Variants in DPP10 observed in about 807,000 individuals in gnomAD.
The protein encoded by DPP10 is dipeptidyl peptidase like 10.
In DPP10, 33 loss-of-function variants were observed where a neutral mutation model predicts 120.9. That is an observed-to-expected ratio of 0.27 (90% confidence interval 0.21 to 0.37). The LOEUF is 0.37. Ranked by LOEUF, DPP10 falls within the 10% of genes least tolerant of loss-of-function variation. DPP10 has a pLI of 1.00. For synonymous variants in DPP10, 337 were observed against 326.1 expected (o/e 1.03, Z -0.36); for missense variants, 816 against 942.8 (o/e 0.87, Z 1.76).
chr2:115,681,222 G>C (rs188437830), intron 5 of DPP10, among the ~76,000 whole-genome samples: 2 of 151,768 alleles, frequency 1.3e-5, no homozygotes, highest in African/African-American at 4.8e-5. Context: ...TATCCTAAGC[G>C]TATGCAAAAT....
intron 5 of DPP10, among the ~76,000 whole-genome samples, chr2:115,583,274 C>T (rs2082101785): frequency 6.6e-6 from 1 of 152,188 alleles, no homozygotes; most frequent in African/African-American, 2.4e-5. Flanking sequence ...CACAACAAAT[C>T]TATGTCTAAG....
At chr2:114,544,934 C>T (rs889429753) in intron 1 of DPP10, among the ~76,000 whole-genome samples, 25 of 151,960 alleles carry the variant, frequency 1.6e-4, no homozygotes, top group African/African-American at 6.0e-4. Context: ...TCACTGCAAC[C>T]TCCGCCTTCT....
At chr2:115,570,006 T>C (rs2081247666) in intron 5 of DPP10, among the ~76,000 whole-genome samples, 1 of 152,224 alleles carries the variant, frequency 6.6e-6, no homozygotes, top group African/African-American at 2.4e-5. Context: ...TTTACTGTGA[T>C]TGAAATTACC....
intron 1 of DPP10, among the ~76,000 whole-genome samples, chr2:115,197,945 G>T (rs1436337653): frequency 6.6e-6 from 1 of 152,056 alleles, no homozygotes; most frequent in East Asian, 1.9e-4. Flanking sequence ...GTGTATCTCT[G>T]GACGTGATAA....
At chr2:115,125,044 G>A (rs779568068) in intron 1 of DPP10, among the ~76,000 whole-genome samples, 42 of 152,284 alleles carry the variant, frequency 2.8e-4, no homozygotes, top group Middle Eastern at 3.4e-3. Flanking sequence ...CCAGTCATAA[G>A]TTCTTTTGTT....
chr2:114,691,533 G>T (rs555111143), intron 1 of DPP10, among the ~76,000 whole-genome samples: 2 of 152,080 alleles, frequency 1.3e-5, no homozygotes. Flanking sequence ...TTTCATTTTT[G>T]GTTGTGTCTC....
At chr2:114,442,870 C>G (rs1558764507) in intron 1 of DPP10, 32 bp downstream of exon 1, 1 of 1,611,562 alleles carries the variant, frequency 6.2e-7, no homozygotes, top group Admixed American at 1.7e-5. Flanking sequence ...TGCTTCTGCA[C>G]ATGTGTCTTC....
intron 1 of DPP10, among the ~76,000 whole-genome samples, chr2:114,773,204 T>C (rs1015285735): frequency 3.9e-5 from 6 of 152,120 alleles, no homozygotes; most frequent in Non-Finnish European, 7.4e-5. Flanking sequence ...TTGCCAGTGA[T>C]TGGTAGTGGG....
intron 1 of DPP10, among the ~76,000 whole-genome samples, chr2:114,954,731 T>G (rs938288840): frequency 3.3e-5 from 5 of 151,660 alleles, no homozygotes; most frequent in Non-Finnish European, 5.9e-5. Flanking sequence ...GAAAAAAATA[T>G]AGAGAGAGAA....
chr2:115,768,689 T>C (rs1203265135), intron 13 of DPP10, among the ~76,000 whole-genome samples: 4 of 152,168 alleles, frequency 2.6e-5, no homozygotes, highest in Non-Finnish European at 4.4e-5. Flanking sequence ...ACCCAACTTT[T>C]GAGGACCTGA....
chr2:114,934,157 T>C (rs1415532461), intron 1 of DPP10, among the ~76,000 whole-genome samples: 1 of 152,182 alleles, frequency 6.6e-6, no homozygotes, highest in Non-Finnish European at 1.5e-5. Context: ...TTTTCTTCTT[T>C]ATTCTTCAGT....
chr2:114,922,448 G>C (rs1695265960), intron 1 of DPP10, among the ~76,000 whole-genome samples: 1 of 152,204 alleles, frequency 6.6e-6, no homozygotes, highest in African/African-American at 2.4e-5. Context: ...GAGTAGCTGG[G>C]ATTACAGGCA....
Position 115,005,647 on chromosome 2 carries a change from C to T in DPP10, c.61-303592C>T, listed in dbSNP as rs988711256. Among the ~76,000 whole-genome samples, 158 of 151,840 alleles carry T rather than the reference C, an allele frequency of 1.0e-3. 1 individual carries two copies. The highest frequency in any genetic ancestry group is 3.5e-3 in the South Asian group (17 of 4,802). The stretch of plus-strand genomic sequence containing the variant: ...GGAAGATGAAATGAATGAAATGAAG[C>T]GAGAAGGAAAGTTTAGAGAAAAAAG... On this transcript the variant is annotated intron_variant, in intron 1 of 25. Coordinates refer to ENST00000410059, the MANE Select transcript of DPP10 (RefSeq NM_020868.6).
chr2:114,648,699 A>T (rs1293081793), intron 1 of DPP10, among the ~76,000 whole-genome samples: 1 of 152,238 alleles, frequency 6.6e-6, no homozygotes, highest in East Asian at 1.9e-4. Context: ...ATCAATAGGT[A>T]GGTATAAGAA....
intron 1 of DPP10, among the ~76,000 whole-genome samples, chr2:114,637,532 T>C (rs1296252701): frequency 1.3e-5 from 2 of 151,964 alleles, no homozygotes; most frequent in Non-Finnish European, 2.9e-5. Context: ...CAGTTGCTTT[T>C]GAGGACTTAG....
At chr2:114,642,852 C>T (rs1015072592) in intron 1 of DPP10, among the ~76,000 whole-genome samples, 1 of 151,910 alleles carries the variant, frequency 6.6e-6, no homozygotes, top group Non-Finnish European at 1.5e-5. Flanking sequence ...CTCATGACTC[C>T]AAGTAGAGGA....
chr2:114,587,919 A>T (rs144369950), intron 1 of DPP10, among the ~76,000 whole-genome samples: 2 of 152,224 alleles, frequency 1.3e-5, no homozygotes, highest in African/African-American at 4.8e-5. Context: ...AACAAGAAAC[A>T]TATTGATTTA....
intron 1 of DPP10, among the ~76,000 whole-genome samples, chr2:114,505,051 C>CAAAAAAAA (rs3061538): frequency 2.2e-5 from 1 of 44,902 alleles, no homozygotes; most frequent in Non-Finnish European, 4.5e-5. Context: ...GACTCTGTCT[C>CAAAAAAAA]AAAAAAAAAA....
chr2:114,493,228 C>G (rs1055151520), intron 1 of DPP10, among the ~76,000 whole-genome samples: 1 of 152,116 alleles, frequency 6.6e-6, no homozygotes, highest in Non-Finnish European at 1.5e-5. Flanking sequence ...CCCGGCTCCA[C>G]TATTCCTATA....
Sources: allele counts gnomAD v4.1 joint callset (sites outside exome capture counted in the v4.1 genomes callset), GRCh38; gene constraint gnomAD v4.1.1; transcripts MANE v1.5; gene names NCBI Gene and HGNC (gene_info 2026-07-23, HGNC 2026-07-21).